PSMD12: variants seen among roughly 807,000 people sequenced by gnomAD.
The protein encoded by PSMD12 is proteasome 26S subunit, non-ATPase 12.
Under a neutral mutation model 62.9 loss-of-function variants are expected in PSMD12, and 8 were observed. The ratio of observed to expected loss-of-function variants is 0.13; its 90% CI spans 0.07 to 0.23. The LOEUF is 0.23. Among genes scored for constraint, PSMD12 ranks in the 10% least tolerant of loss-of-function variants. PSMD12 has a pLI of 1.00. For missense variants in PSMD12, 424 were observed against 550.2 expected, an observed-to-expected ratio of 0.77 and a Z score of 2.29; for synonymous variants, 173 against 187.4, an observed-to-expected ratio of 0.92 and a Z score of 0.63.
chr17:67,338,361 C>T lies in PSMD12; in HGVS notation c.*2482G>A, dbSNP rs2041878547. The T allele has an allele frequency of 6.6e-6, 1 of 152,144 alleles. No individual in the cohort carries two copies. The highest frequency in any genetic ancestry group is 1.5e-5 in the Non-Finnish European group (1 of 68,026). 9.4% of individuals were successfully genotyped at this position (152,144 alleles called of 1,614,324 possible). On this transcript the variant is annotated 3_prime_UTR_variant, in exon 11 of 11. Transcript: ENST00000356126. ...ACAACTCAAATATTTCACTATTGTA[C>T]TTTATGCTAATGAATTATTTTGTAA...
At chr17:67,362,059 GA>G (rs2042135819) in intron 1 of PSMD12, among the ~76,000 whole-genome samples, 1 of 152,030 alleles carries the variant, frequency 6.6e-6, no homozygotes, top group African/African-American at 2.4e-5. Context: ...TCACAAAAAA[GA>G]TTTTGCAACC....
chr17:67,366,452 G>A lies in PSMD12; in HGVS notation c.68C>T (p.Thr23Met). The change falls in exon 1 of 11, where the codon ACG (threonine) becomes ATG (methionine). Residue 23 changes from threonine to methionine, a missense_variant. By Grantham distance (81) the Thr-to-Met change is moderately conservative (BLOSUM62 -1). Coordinates refer to ENST00000356126, the MANE Select transcript of PSMD12 (RefSeq NM_002816.5). ...ACACTCGGGTAGGCGCTGATCCACC[G>A]TGGCGCTGTAGTCCACCTCCATCTT... ...IVKMEVDYSA[T>M]VDQRLPECAK... 6.2e-7 allele frequency: 1 copy of A among 1,612,384 alleles called. No homozygotes were observed. Among genetic ancestry groups the A allele is most frequent in the Non-Finnish European group, 8.5e-7 (1 of 1,179,424 alleles).
chr17:67,348,715 AG>A, intron 4 of PSMD12, 61 bp from the exon 5 acceptor site: 1 of 1,475,644 alleles, frequency 6.8e-7, no homozygotes, highest in Non-Finnish European at 9.3e-7. Flanking sequence ...TTTAAAAAGT[AG>A]GCTGGGTATG....
chr17:67,349,814 G>A (rs2042001128), intron 4 of PSMD12, among the ~76,000 whole-genome samples: 1 of 152,134 alleles, frequency 6.6e-6, no homozygotes, highest in Non-Finnish European at 1.5e-5. Context: ...TTCATGCTTA[G>A]GCTTGCTTAC....
rs189415507 is a variant in PSMD12 at position 67,359,920 on chromosome 17, C to T, written c.109-2342G>A. 2.4e-4 allele frequency among the ~76,000 whole-genome samples: 36 copies of T among 152,252 alleles called. No individual in the cohort carries two copies. The South Asian group carries it at 3.1e-3, about 13-fold the overall frequency. Reference sequence around the variant, plus strand: ...TGAAAGAATCTTAGAACTAGAAAGACGGCTAGGCATTATTTAATTCAATCA... The same window carrying T: ...TGAAAGAATCTTAGAACTAGAAAGATGGCTAGGCATTATTTAATTCAATCA... On this transcript the variant is annotated intron_variant, in intron 1 of 10. Coordinates refer to ENST00000356126, the MANE Select transcript of PSMD12 (RefSeq NM_002816.5).
intron 1 of PSMD12, among the ~76,000 whole-genome samples, chr17:67,361,662 A>G (rs1248710399): frequency 6.6e-6 from 1 of 152,084 alleles, no homozygotes; most frequent in Non-Finnish European, 1.5e-5. Flanking sequence ...AAAGTGACCT[A>G]TTCCTTAAAG....
intron 4 of PSMD12, among the ~76,000 whole-genome samples, chr17:67,349,401 T>C (rs539753339): frequency 1.5e-4 from 23 of 152,368 alleles, no homozygotes; most frequent in Non-Finnish European, 3.2e-4. Flanking sequence ...AATACAGCTG[T>C]GAGACATTTT....
At chr17:67,355,977 C>T (rs2042065858) in intron 3 of PSMD12, among the ~76,000 whole-genome samples, 1 of 67,196 alleles carries the variant, frequency 1.5e-5, no homozygotes, top group Admixed American at 1.2e-4. Flanking sequence ...TCTACACACA[C>T]ACACACACAC....
At chr17:67,347,017 A>C (rs886886714) in intron 7 of PSMD12, 99 bp downstream of exon 7, 2 of 1,277,414 alleles carry the variant, frequency 1.6e-6, no homozygotes, top group South Asian at 3.0e-5. Flanking sequence ...GCACCATACA[A>C]TTGCATCTAA....
chr17:67,356,040 G>A (rs1357190373), intron 3 of PSMD12, among the ~76,000 whole-genome samples: 1 of 151,466 alleles, frequency 6.6e-6, no homozygotes, highest in African/African-American at 2.4e-5. Flanking sequence ...ATGTTTAACA[G>A]TACATTCTTT....
rs1398500937 is a variant in PSMD12 at position 67,366,493 on chromosome 17, A to C, written c.27T>G (p.Ala9=). Residue 9 remains alanine, a synonymous_variant, in exon 1 of 11, where the codon GCT becomes GCG. Transcript: ENST00000356126. ...CCTCCATCTTGACGATGCGCCCGTC[A>C]GCCCGCTCCGAGCCGCCGTCCGCCA... MADGGSER[A]DGRIVKMEVD... 6.2e-7 allele frequency: 1 copy of C among 1,609,280 alleles called. No homozygotes were observed. The highest frequency in any genetic ancestry group is 8.5e-7 in the Non-Finnish European group (1 of 1,178,878).
Position 67,357,382 on chromosome 17 carries a change from A to G in PSMD12, c.218T>C (p.Met73Thr). Residue 73 changes from methionine to threonine, a missense_variant, in exon 3 of 11, where the codon ATG becomes ACG. By Grantham distance (81) the Met-to-Thr change is moderately conservative. Coordinates refer to ENST00000356126, the MANE Select transcript of PSMD12 (RefSeq NM_002816.5). ...TSRILVAVVKMCYEAKEWDLL... is the reference protein window; with the variant it reads ...TSRILVAVVKTCYEAKEWDLL... ...ATCCCATTCTTTAGCCTCATAGCAC[A>G]TCTTCACTACTGCAACTAAGATACG... 1 of 1,613,748 alleles carries G rather than the reference A, an allele frequency of 6.2e-7. No homozygotes were observed. Among genetic ancestry groups the G allele is most frequent in the East Asian group, 2.2e-5 (1 of 44,856 alleles).
intron 3 of PSMD12, among the ~76,000 whole-genome samples, chr17:67,352,593 T>TA (rs1194349249): frequency 3.9e-5 from 6 of 152,294 alleles, no homozygotes; most frequent in Non-Finnish European, 7.4e-5. Context: ...CAGATGGGGT[T>TA]AAAAACAACA....
chr17:67,356,326 A>C (rs993267639), intron 3 of PSMD12, among the ~76,000 whole-genome samples: 1 of 152,028 alleles, frequency 6.6e-6, no homozygotes, highest in Middle Eastern at 3.4e-3. Flanking sequence ...TGGGAGGCCG[A>C]GGCGGGCGGA....
In PSMD12 at chr17:67,339,623, G is replaced by C. The variant is rs2041891942; in HGVS notation, c.*1220C>G. 1 of 152,124 alleles carries C rather than the reference G, an allele frequency of 6.6e-6. No individual in the cohort carries two copies. The highest frequency in any genetic ancestry group is 2.1e-4 in the South Asian group (1 of 4,832). The allele number at this position is 152,124 out of a possible 1,614,324, so 9.4% of individuals were successfully genotyped here. A position where few individuals can be genotyped will look rare whatever the true frequency, so the allele number is the denominator to read the frequency against. On this transcript the variant is annotated 3_prime_UTR_variant, in exon 11 of 11. Transcript: ENST00000356126. ...CTTCCATTAAGTGGAAAATTAATTA[G>C]GAGAAATGCCATTTCTAGAATGCTG...
intron 1 of PSMD12, among the ~76,000 whole-genome samples, chr17:67,364,434 CTT>C (rs1166739463): frequency 6.6e-6 from 1 of 152,154 alleles, no homozygotes; most frequent in African/African-American, 2.4e-5. Context: ...GCAGTGAAGT[CTT>C]TTTTCTTACT....
Position 67,351,188 on chromosome 17 carries a change from G to A in PSMD12, c.298-852C>T, listed in dbSNP as rs112138838. Among the ~76,000 whole-genome samples the A allele has an allele frequency of 3.1e-3, 477 of 151,994 alleles. 4 individuals are homozygous for A. Among genetic ancestry groups the A allele is most frequent in the African/African-American group, 0.011 (453 of 41,486 alleles). ...GGGCGGGTCACAAGGTCAGGAGATC[G>A]AGACCAACCTGGCTAACATGGTGAA... On this transcript the variant is annotated intron_variant, in intron 3 of 10. Transcript: ENST00000356126.
At chr17:67,341,532 T>C (rs186081649) in intron 10 of PSMD12, among the ~76,000 whole-genome samples, 10 of 150,432 alleles carry the variant, frequency 6.6e-5, no homozygotes, top group African/African-American at 2.5e-4. Flanking sequence ...TAAGTACTTA[T>C]TTTACTGATA....
Position 67,357,426 on chromosome 17 carries a change from G to T in PSMD12, c.174C>A (p.Ser58=). 1 of 1,613,480 alleles carries T rather than the reference G, an allele frequency of 6.2e-7. No individual in the cohort carries two copies. Residue 58 remains serine, a synonymous_variant, in exon 3 of 11, where the codon TCC becomes TCA. Transcript: ENST00000356126. ...AGATACGGGATGTCGATACCATATCGGAAGCCTGTAAGGGTAAAAATATAT... is the reference window on the plus strand; with the variant it reads ...AGATACGGGATGTCGATACCATATCTGAAGCCTGTAAGGGTAAAAATATAT... ...LSLEKQTRTA[S]DMVSTSRILV...
Sources: gnomAD v4.1 joint callset for allele counts (sites outside exome capture counted in the v4.1 genomes callset) on GRCh38, gnomAD v4.1.1 for gene constraint, MANE v1.5 for transcripts, NCBI Gene and HGNC (gene_info 2026-07-23, HGNC 2026-07-21) for gene names.